GUCY1A2: variants seen among roughly 807,000 people sequenced by gnomAD.
GUCY1A2 encodes guanylate cyclase 1 soluble subunit alpha 2.
In GUCY1A2, 27 loss-of-function variants were observed where a neutral mutation model predicts 63.5. The ratio of observed to expected loss-of-function variants is 0.43; its 90% CI spans 0.31 to 0.59. The LOEUF (loss-of-function observed/expected upper bound fraction) is 0.59. Ranked by LOEUF, GUCY1A2 falls within the 20% of genes least tolerant of loss-of-function variation. The pLI is 0.11. For synonymous variants in GUCY1A2, 364 were observed against 343.5 expected (o/e 1.06, Z -0.66); for missense variants, 768 against 913.3 (o/e 0.84, Z 2.05).
intron 4 of GUCY1A2, among the ~76,000 whole-genome samples, chr11:106,836,436 G>GA (rs1209652704): frequency 5.3e-5 from 8 of 151,962 alleles, no homozygotes; most frequent in African/African-American, 1.9e-4. Context: ...TTTACAAGAT[G>GA]AATCGTCTGT....
chr11:107,007,966 G>T (rs1861694424), intron 1 of GUCY1A2, among the ~76,000 whole-genome samples: 1 of 147,262 alleles, frequency 6.8e-6, no homozygotes, highest in South Asian at 2.1e-4. Flanking sequence ...AATAACTGTT[G>T]TGTCTACAGG....
At chr11:106,815,686 G>A (rs1220521909) in intron 4 of GUCY1A2, among the ~76,000 whole-genome samples, 4 of 151,898 alleles carry the variant, frequency 2.6e-5, no homozygotes. Flanking sequence ...CGATGACTGA[G>A]ACAAATATGA....
chr11:107,007,819 T>C (rs76840903), intron 1 of GUCY1A2, among the ~76,000 whole-genome samples: 7,790 of 151,846 alleles, frequency 0.051, 700 homozygotes, highest in East Asian at 0.31. Context: ...TGTTTGGTAA[T>C]ACAGGATTTC....
rs1378827519 is a variant in GUCY1A2, at chr11:106,678,787, T to C, written c.*8762A>G. On this transcript the variant is annotated 3_prime_UTR_variant, in exon 8 of 8. Transcript: ENST00000526355. The stretch of plus-strand genomic sequence containing the variant: ...ATTTGACTATTATCCTTAATGTTTA[T>C]GTTATTTTAAAAAGTGTAATATTTT... 5.1e-6 allele frequency: 1 copy of C among 197,024 alleles called. No homozygotes were observed. Among genetic ancestry groups the C allele is most frequent in the African/African-American group, 2.3e-5 (1 of 43,440 alleles). The allele number at this position is 197,024 out of a possible 1,614,324, so 12.2% of individuals were successfully genotyped here. A position where few individuals can be genotyped will look rare whatever the true frequency, so the allele number is the denominator to read the frequency against.
intron 6 of GUCY1A2, among the ~76,000 whole-genome samples, chr11:106,720,355 T>C (rs545876989): frequency 3.8e-4 from 58 of 152,316 alleles, no homozygotes; most frequent in Admixed American, 3.0e-3. Flanking sequence ...CAGAAGCCCT[T>C]GCAGCAGCAT....
Position 106,939,284 on chromosome 11 carries a change from A to T in GUCY1A2, c.1206+176T>A, listed in dbSNP as rs1435830160. Among the ~76,000 whole-genome samples the T allele has an allele frequency of 2.6e-5, 4 of 152,262 alleles. No homozygotes were observed. The South Asian group carries it at 8.3e-4, about 31-fold the overall frequency. On this transcript the variant is annotated intron_variant, in intron 4 of 7. Transcript: ENST00000526355. ...TTAATGGAGGAGGCAGACACTATGCAAAATGGCTGGGAATGAGGCCAAATC... is the reference window on the plus strand; with the variant it reads ...TTAATGGAGGAGGCAGACACTATGCTAAATGGCTGGGAATGAGGCCAAATC...
At chr11:106,943,590 G>A (rs192322207) in intron 3 of GUCY1A2, among the ~76,000 whole-genome samples, 1 of 152,190 alleles carries the variant, frequency 6.6e-6, no homozygotes, top group South Asian at 2.1e-4. Context: ...TGAGGACAAG[G>A]ACCTTGCCCT....
intron 6 of GUCY1A2, among the ~76,000 whole-genome samples, chr11:106,732,485 GA>G (rs768046503): frequency 2.0e-5 from 3 of 151,996 alleles, no homozygotes; most frequent in Non-Finnish European, 4.4e-5. Context: ...AGACAAAATG[GA>G]ATATTTAATG....
Position 106,835,876 on chromosome 11 carries a change from A to G in GUCY1A2, c.1207-25398T>C, listed in dbSNP as rs116529885. Among the ~76,000 whole-genome samples, 366 of 152,026 alleles carry G rather than the reference A, an allele frequency of 2.4e-3. 2 individuals carry two copies. Among genetic ancestry groups the G allele is most frequent in the African/African-American group, 8.3e-3 (346 of 41,534 alleles). On this transcript the variant is annotated intron_variant, in intron 4 of 7. Coordinates refer to ENST00000526355, the MANE Select transcript of GUCY1A2 (RefSeq NM_000855.3). ...AATTCTAAAAGTGCATTACTGAAAC[A>G]AAGAAAAATGAACCCAGAATAACCT...
chr11:106,787,977 G>C (rs2135410418), intron 5 of GUCY1A2, among the ~76,000 whole-genome samples: 1 of 152,082 alleles, frequency 6.6e-6, no homozygotes, highest in South Asian at 2.1e-4. Flanking sequence ...CCCCATATTG[G>C]TTGTACTAAT....
chr11:106,955,400 T>C (rs542933285), intron 3 of GUCY1A2, among the ~76,000 whole-genome samples: 149 of 152,312 alleles, frequency 9.8e-4, no homozygotes, highest in African/African-American at 3.3e-3. Context: ...CATGGTGTCA[T>C]TGGTCTTTAT....
chr11:106,877,941 C>A, intron 4 of GUCY1A2, among the ~76,000 whole-genome samples: 1 of 150,818 alleles, frequency 6.6e-6, no homozygotes, highest in Non-Finnish European at 1.5e-5. Flanking sequence ...AAAGAAAAAC[C>A]CAAACAAACC....
intron 4 of GUCY1A2, among the ~76,000 whole-genome samples, chr11:106,851,888 T>C (rs1859360806): frequency 2.0e-5 from 3 of 151,984 alleles, no homozygotes; most frequent in East Asian, 1.9e-4. Context: ...CTGTAAAGAA[T>C]GTCATTAATA....
chr11:106,966,646 C>T (rs980104153), intron 3 of GUCY1A2, among the ~76,000 whole-genome samples: 13 of 152,070 alleles, frequency 8.5e-5, no homozygotes, highest in African/African-American at 2.2e-4. Flanking sequence ...TATATACAGA[C>T]GTCTGTGGAT....
chr11:106,717,373 T>C (rs901424280), intron 6 of GUCY1A2, among the ~76,000 whole-genome samples: 1 of 152,184 alleles, frequency 6.6e-6, no homozygotes, highest in African/African-American at 2.4e-5. Flanking sequence ...CACTTCCTGA[T>C]AGCCATTATA....
intron 1 of GUCY1A2, among the ~76,000 whole-genome samples, chr11:107,010,753 T>C (rs906463748): frequency 6.6e-6 from 1 of 152,116 alleles, no homozygotes; most frequent in Non-Finnish European, 1.5e-5. Context: ...TTTTTTGAGA[T>C]GGAGTATTCC....
At chr11:106,981,196 TTAAG>T (rs759131181) in intron 2 of GUCY1A2, among the ~76,000 whole-genome samples, 11 of 152,190 alleles carry the variant, frequency 7.2e-5, no homozygotes, top group Non-Finnish European at 1.6e-4. Context: ...TCATGAAAGC[TTAAG>T]TAATATCCTT....
intron 6 of GUCY1A2, among the ~76,000 whole-genome samples, chr11:106,729,115 G>T (rs1019615947): frequency 8.5e-5 from 13 of 152,118 alleles, no homozygotes; most frequent in African/African-American, 3.1e-4. Context: ...TTAAAGTAAT[G>T]GAGACATGCT....
chr11:106,923,978 G>A (rs2119914175), intron 4 of GUCY1A2, among the ~76,000 whole-genome samples: 1 of 152,088 alleles, frequency 6.6e-6, no homozygotes, highest in East Asian at 1.9e-4. Context: ...AAAATTATAA[G>A]AATAAAATAT....
Sources: gnomAD v4.1 joint callset for allele counts (sites outside exome capture counted in the v4.1 genomes callset) on GRCh38, gnomAD v4.1.1 for gene constraint, MANE v1.5 for transcripts, NCBI Gene and HGNC (gene_info 2026-07-23, HGNC 2026-07-21) for gene names.